The following FAT2 variants were observed in gnomAD, a reference collection of about 807,000 sequenced individuals.
FAT2 encodes the protein FAT atypical cadherin 2.
In FAT2, 150 loss-of-function variants were observed where a neutral mutation model predicts 295.3. That is an observed-to-expected ratio of 0.51 (90% confidence interval 0.44 to 0.58). The LOEUF (loss-of-function observed/expected upper bound fraction) is 0.58. FAT2 is among the 20% of genes least tolerant of loss of function. The pLI is 0.00. For synonymous variants in FAT2, 2,026 were observed against 2,150.3 expected (o/e 0.94, Z 1.60); for missense variants, 4,868 against 5,442.7 (o/e 0.89, Z 3.32).
chr5:151,536,220 A>C (rs1755261912), intron 12 of FAT2, among the ~76,000 whole-genome samples: 1 of 102,628 alleles, frequency 9.7e-6, no homozygotes, highest in Middle Eastern at 6.0e-3. Flanking sequence ...TTCCATATTC[A>C]GAAAAAAAAA....
rs199556909 is a variant in FAT2 at position 151,507,457 on chromosome 5, G to T, written c.12214C>A (p.Arg4072Ser). 1 of 1,614,030 alleles carries T rather than the reference G, an allele frequency of 6.2e-7. No individual in the cohort carries two copies. The highest frequency in any genetic ancestry group is 8.5e-7 in the Non-Finnish European group (1 of 1,180,030). The stretch of plus-strand genomic sequence containing the variant: ...GCCACAGGCTTGTGAGACTTGCAAC[G>T]GCGGCAGTAGAAGAGAAGCCCGACA... ...STVGLLFYCR[R>S]CKSHKPVAME... The change falls in exon 23 of 24, where the codon CGT becomes AGT. Residue 4072 changes from arginine to serine, a missense_variant. This residue lies in a region of FAT2 where 492 missense variants were observed against 482.6 expected (regional missense o/e 1.02). Transcript: ENST00000261800.
intron 1 of FAT2, among the ~76,000 whole-genome samples, chr5:151,569,555 A>G (rs1189671600): frequency 9.8e-5 from 15 of 152,342 alleles, no homozygotes; most frequent in Non-Finnish European, 1.5e-5. Context: ...AGAATTATCC[A>G]GCCCCAATGT....
intron 20 of FAT2, among the ~76,000 whole-genome samples, chr5:151,515,790 C>G (rs1006906709): frequency 1.1e-4 from 17 of 152,234 alleles, no homozygotes; most frequent in African/African-American, 4.1e-4. Context: ...CTGGGTCTCT[C>G]TGCTCCTATC....
rs767592170 is a variant in FAT2 at position 151,526,565 on chromosome 5, C to G, written c.10309-600G>C. Reference sequence around the variant, plus strand: ...CAGAATCTAATGGGCAGAAACTGATCGTTGCCTATCCAACAGACATTCTCT... The same window carrying G: ...CAGAATCTAATGGGCAGAAACTGATGGTTGCCTATCCAACAGACATTCTCT... On this transcript the variant is annotated intron_variant, in intron 17 of 23. Coordinates refer to ENST00000261800, the MANE Select transcript of FAT2 (RefSeq NM_001447.3). Among the ~76,000 whole-genome samples, 4 of 152,326 alleles carry G rather than the reference C, an allele frequency of 2.6e-5. No individual in the cohort carries two copies. The South Asian group carries it at 8.3e-4, about 32-fold the overall frequency.
chr5:151,506,850 C>T (rs1760923790), intron 23 of FAT2, among the ~76,000 whole-genome samples: 1 of 152,176 alleles, frequency 6.6e-6, no homozygotes. Flanking sequence ...CACAAATGTG[C>T]AGAAGCCCCC....
In FAT2 at chr5:151,566,749, A is replaced by G. The variant is rs755379216; in HGVS notation, c.2183T>C (p.Val728Ala). 3 of 1,614,088 alleles carry G rather than the reference A, an allele frequency of 1.9e-6. No individual in the cohort carries two copies. The highest frequency in any genetic ancestry group is 2.5e-6 in the Non-Finnish European group (3 of 1,180,008). The change falls in exon 2 of 24, where the codon GTC (valine) becomes GCC (alanine). Residue 728 changes from valine (V) to alanine (A), a missense_variant. By Grantham distance (64) the Val-to-Ala change is moderately conservative. Coordinates refer to ENST00000261800, the MANE Select transcript of FAT2 (RefSeq NM_001447.3). ...FPQSIDVLESVPINTPLARLA... is the reference protein window; with the variant it reads ...FPQSIDVLESAPINTPLARLA... ...GCGGGCCAAGGGGGTGTTGATAGGG[A>G]CACTCTCAAGGACATCAATGGATTG...
intron 13 of FAT2, among the ~76,000 whole-genome samples, chr5:151,533,766 A>G (rs994385344): frequency 2.6e-5 from 4 of 152,032 alleles, no homozygotes; most frequent in African/African-American, 7.2e-5. Flanking sequence ...TGATATATAT[A>G]TATCACATTA....
At chr5:151,520,211 G>C (rs1333763610) in intron 19 of FAT2, among the ~76,000 whole-genome samples, 1 of 152,258 alleles carries the variant, frequency 6.6e-6, no homozygotes, top group Non-Finnish European at 1.5e-5. Flanking sequence ...GGCCAGGCAG[G>C]AGCGCTGGTG....
intron 21 of FAT2, 179 bp from the exon 22 acceptor site, chr5:151,510,353 G>A (rs1051901362): frequency 3.2e-6 from 2 of 626,148 alleles, no homozygotes; most frequent in African/African-American, 3.7e-5. Context: ...GAGCACTTTG[G>A]TCCCTGCCCT....
upstream of FAT2, among the ~76,000 whole-genome samples, chr5:151,591,471 A>G (rs1759404210): frequency 6.6e-6 from 1 of 152,160 alleles, no homozygotes; most frequent in African/African-American, 2.4e-5. Context: ...GTGGGGAATC[A>G]AGTCATGGAA....
intron 2 of FAT2, 23 bp downstream of exon 2, chr5:151,565,650 C>CG: frequency 3.1e-6 from 4 of 1,270,882 alleles, no homozygotes; most frequent in Non-Finnish European, 4.4e-6. Flanking sequence ...CCCTGGCACC[C>CG]CACCCTACCC....
At position 151,544,089 on chromosome 5, in the gene FAT2, A is replaced by C; in HGVS notation, c.7038T>G (p.His2346Gln). Residue 2346 changes from histidine (H) to glutamine (Q), a missense_variant, in exon 10 of 24, where the codon CAT becomes CAG. By Grantham distance (24) the His-to-Gln change is conservative (BLOSUM62 0). Around this residue, in one of 5 missense-constraint regions of FAT2, gnomAD observed 3,297 missense variants for 3,669.4 expected, o/e 0.90. Coordinates refer to ENST00000261800, the MANE Select transcript of FAT2 (RefSeq NM_001447.3). ...ELDYEAQQHF[H>Q]VKVRAMDKGD... ...CTTTATCCATGGCCCTGACTTTCACATGAAAGTGTTGTTGGGCTTCATAAT... is the reference window on the plus strand; with the variant it reads ...CTTTATCCATGGCCCTGACTTTCACCTGAAAGTGTTGTTGGGCTTCATAAT... 1 of 1,614,160 alleles carries C rather than the reference A, an allele frequency of 6.2e-7. No homozygotes were observed.
At chr5:151,529,050 C>G in intron 15 of FAT2, 128 bp downstream of exon 15, 1 of 750,274 alleles carries the variant, frequency 1.3e-6, no homozygotes, top group Non-Finnish European at 2.2e-6. Context: ...TCTGACAAGT[C>G]AGAGTCAAGT....
At chr5:151,541,019 G>A (rs1756079645) in intron 10 of FAT2, among the ~76,000 whole-genome samples, 1 of 152,076 alleles carries the variant, frequency 6.6e-6, no homozygotes, top group Non-Finnish European at 1.5e-5. Flanking sequence ...CTGAAGGCAG[G>A]GTTTTTTGTT....
At position 151,546,048 on chromosome 5, in the gene FAT2, C is replaced by T. The variant is rs746769296; in HGVS notation, c.5079G>A (p.Glu1693=). 12 of 1,614,044 alleles carry T rather than the reference C, an allele frequency of 7.4e-6. No individual in the cohort carries two copies. The highest frequency in any genetic ancestry group is 1.6e-4 in the Middle Eastern group (1 of 6,084). Residue 1693 remains glutamate (E), a synonymous_variant, in exon 10 of 24, where the codon GAG becomes GAA. Coordinates refer to ENST00000261800, the MANE Select transcript of FAT2 (RefSeq NM_001447.3). ...SAMSPSEVTY[E]LREGNKDGVF... ...CTCCATCCTTATTTCCCTCTCTTAACTCATAGGTAACTTCAGAGGGGCTCA... is the reference window on the plus strand; with the variant it reads ...CTCCATCCTTATTTCCCTCTCTTAATTCATAGGTAACTTCAGAGGGGCTCA...
At position 151,546,144 on chromosome 5, in the gene FAT2, T is replaced by C. The variant is rs751419697; in HGVS notation, c.4983A>G (p.Ser1661=). ...GGATCTCTACAAAGTACTCAGATTTTGAAAAGATGGGGGCACTCCTATCTG... is the reference window on the plus strand; with the variant it reads ...GGATCTCTACAAAGTACTCAGATTTCGAAAAGATGGGGGCACTCCTATCTG... ...YPSDRSAPIF[S]KSEYFVEIPE... is the part of the protein sequence containing the mutation. The change falls in exon 10 of 24, where the codon TCA becomes TCG. Residue 1661 remains serine, a synonymous_variant. Coordinates refer to ENST00000261800, the MANE Select transcript of FAT2 (RefSeq NM_001447.3). 1.1e-4 allele frequency: 174 copies of C among 1,614,138 alleles called. 6 individuals carry two copies. In the South Asian group the frequency reaches 1.4e-3, roughly 13 times the overall value.
At chr5:151,524,168 C>T (rs1369909498) in intron 18 of FAT2, among the ~76,000 whole-genome samples, 1 of 152,112 alleles carries the variant, frequency 6.6e-6, no homozygotes, top group African/African-American at 2.4e-5. Context: ...CCGTCTGAAA[C>T]CCTCCAACCA....
intron 19 of FAT2, among the ~76,000 whole-genome samples, chr5:151,520,497 C>T (rs1442066705): frequency 6.6e-6 from 1 of 152,194 alleles, no homozygotes; most frequent in African/African-American, 2.4e-5. Context: ...GTGACATCTA[C>T]ACAGAGTGTG....
At chr5:151,522,872 C>T (rs79207376) in intron 18 of FAT2, among the ~76,000 whole-genome samples, 7,063 of 152,122 alleles carry the variant, frequency 0.046, 172 homozygotes, top group African/African-American at 0.049. Context: ...GGCTGGCACG[C>T]GCAGGGTTGC....
Sources: allele counts gnomAD v4.1 joint callset (sites outside exome capture counted in the v4.1 genomes callset), GRCh38; gene constraint gnomAD v4.1.1; regional missense constraint gnomAD v4.1.1; transcripts MANE v1.5; gene names NCBI Gene and HGNC (gene_info 2026-07-23, HGNC 2026-07-21).